SLC9A9: variants seen among roughly 807,000 people sequenced by gnomAD.
SLC9A9 encodes solute carrier family 9 member A9, also known as sodium/hydrogen exchanger 9.
In SLC9A9, 62 loss-of-function variants were observed where a neutral mutation model predicts 77.8. The ratio of observed to expected loss-of-function variants is 0.80; its 90% CI spans 0.65 to 0.98. The LOEUF (loss-of-function observed/expected upper bound fraction) is 0.98, where lower values mean the gene tolerates loss of function less well. SLC9A9 is among the 50% of genes least tolerant of loss of function. The pLI, the probability that SLC9A9 is intolerant of heterozygous loss-of-function variation, is 0.00. For missense variants in SLC9A9, 775 were observed against 774.9 expected (o/e 1.00, Z 0.00); for synonymous variants, 320 against 283.5 (o/e 1.13, Z -1.29).
At chr3:143,648,596 T>C (rs527270844) in intron 6 of SLC9A9, among the ~76,000 whole-genome samples, 2 of 152,172 alleles carry the variant, frequency 1.3e-5, no homozygotes, top group Non-Finnish European at 2.9e-5. Flanking sequence ...TGTTTTGTTG[T>C]GTTTCTATCC....
At chr3:143,625,201 A>G (rs1268105184) in intron 6 of SLC9A9, among the ~76,000 whole-genome samples, 12 of 152,256 alleles carry the variant, frequency 7.9e-5, no homozygotes, top group African/African-American at 2.9e-4. Flanking sequence ...AAGGCAATTT[A>G]TAAATTCAAT....
intron 4 of SLC9A9, among the ~76,000 whole-genome samples, chr3:143,735,803 A>C (rs1404229206): frequency 6.6e-6 from 1 of 152,244 alleles, no homozygotes; most frequent in African/African-American, 2.4e-5. Context: ...CTTTAGAGTA[A>C]TAGAGACATG....
At chr3:143,835,916 C>T (rs1447529505) in intron 1 of SLC9A9, among the ~76,000 whole-genome samples, 1 of 152,220 alleles carries the variant, frequency 6.6e-6, no homozygotes, top group Admixed American at 6.5e-5. Context: ...GATCTGTCCC[C>T]TGGCCAGTTG....
At chr3:143,793,981 A>C (rs1432633407) in intron 4 of SLC9A9, among the ~76,000 whole-genome samples, 1 of 152,178 alleles carries the variant, frequency 6.6e-6, no homozygotes. Context: ...AGGTGCTAAA[A>C]TCTTTAATTT....
intron 14 of SLC9A9, among the ~76,000 whole-genome samples, chr3:143,339,904 G>A (rs1470748152): frequency 6.6e-6 from 1 of 152,152 alleles, no homozygotes; most frequent in African/African-American, 2.4e-5. Flanking sequence ...CCGAATGATG[G>A]GGTGTGCTAT....
At chr3:143,799,887 C>A (rs1244849329) in intron 2 of SLC9A9, among the ~76,000 whole-genome samples, 1 of 152,212 alleles carries the variant, frequency 6.6e-6, no homozygotes, top group Non-Finnish European at 1.5e-5. Flanking sequence ...TCCACATTAT[C>A]TTCTTTTCAA....
At chr3:143,447,501 T>C (rs921887129) in intron 12 of SLC9A9, among the ~76,000 whole-genome samples, 1 of 152,200 alleles carries the variant, frequency 6.6e-6, no homozygotes. Flanking sequence ...GCAAGTTGTT[T>C]TTTGCAAATG....
chr3:143,544,065 G>T (rs1352024933), intron 9 of SLC9A9, among the ~76,000 whole-genome samples: 1 of 151,844 alleles, frequency 6.6e-6, no homozygotes, highest in Non-Finnish European at 1.5e-5. Flanking sequence ...GAGCCATTCT[G>T]ACTGGTGTAA....
intron 14 of SLC9A9, among the ~76,000 whole-genome samples, chr3:143,318,461 G>T (rs972725557): frequency 2.6e-5 from 4 of 152,164 alleles, no homozygotes; most frequent in African/African-American, 9.7e-5. Context: ...AAACAGAGGA[G>T]AAAAGTGATT....
At chr3:143,726,610 T>C (rs1215105787) in intron 4 of SLC9A9, among the ~76,000 whole-genome samples, 1 of 152,200 alleles carries the variant, frequency 6.6e-6, no homozygotes, top group African/African-American at 2.4e-5. Flanking sequence ...GATAAGCTAC[T>C]TGTCCATGAA....
chr3:143,414,605 C>T (rs978779105), intron 12 of SLC9A9, among the ~76,000 whole-genome samples: 3 of 152,162 alleles, frequency 2.0e-5, no homozygotes, highest in Admixed American at 2.0e-4. Context: ...TTCTGGGACA[C>T]CACAGACATT....
chr3:143,671,223 G>A (rs563905144), intron 5 of SLC9A9, among the ~76,000 whole-genome samples: 1 of 152,252 alleles, frequency 6.6e-6, no homozygotes, highest in South Asian at 2.1e-4. Context: ...CTGCCAATCC[G>A]TGGCTTTGGG....
intron 8 of SLC9A9, among the ~76,000 whole-genome samples, chr3:143,570,972 C>T (rs1367198620): frequency 2.6e-5 from 4 of 152,102 alleles, no homozygotes; most frequent in Admixed American, 2.6e-4. Context: ...TATTTAAAAA[C>T]AGATGTGCTT....
chr3:143,801,241 C>T (rs1386832608), intron 2 of SLC9A9, among the ~76,000 whole-genome samples: 1 of 152,148 alleles, frequency 6.6e-6, no homozygotes, highest in Non-Finnish European at 1.5e-5. Flanking sequence ...AGTACCGGGA[C>T]CGCGCCCTGT....
chr3:143,383,052 GCA>G, intron 12 of SLC9A9, among the ~76,000 whole-genome samples: 1 of 152,320 alleles, frequency 6.6e-6, no homozygotes, highest in African/African-American at 2.4e-5. Context: ...CATAAGCAAT[GCA>G]CAGTGTACTT....
intron 9 of SLC9A9, among the ~76,000 whole-genome samples, chr3:143,513,764 C>T (rs1339614592): frequency 6.6e-6 from 1 of 152,212 alleles, no homozygotes; most frequent in Non-Finnish European, 1.5e-5. Context: ...ACAACATTCA[C>T]CTCTTTGCAC....
intron 12 of SLC9A9, among the ~76,000 whole-genome samples, chr3:143,436,521 A>G (rs1261256521): frequency 6.6e-6 from 1 of 152,182 alleles, no homozygotes. Context: ...AGTCCCTTCC[A>G]ATTTGGTCAG....
At position 143,746,656 on chromosome 3, in the gene SLC9A9, T is replaced by G. The variant is rs976190511; in HGVS notation, c.533+48345A>C. On this transcript the variant is annotated intron_variant, in intron 4 of 15. Transcript: ENST00000316549. ...AAGCCTGTCATCAGGCCCTGCCAATTTGAATACATTTACCTTTTTTTTTAA... is the reference window on the plus strand; with the variant it reads ...AAGCCTGTCATCAGGCCCTGCCAATGTGAATACATTTACCTTTTTTTTTAA... 5.3e-5 allele frequency among the ~76,000 whole-genome samples: 8 copies of G among 152,324 alleles called. No homozygotes were observed. In the South Asian group the frequency reaches 1.7e-3, roughly 32 times the overall value.
intron 13 of SLC9A9, among the ~76,000 whole-genome samples, chr3:143,368,520 T>G (rs1008659720): frequency 2.8e-4 from 42 of 152,164 alleles, no homozygotes; most frequent in African/African-American, 9.2e-4. Flanking sequence ...GGGGATTCAG[T>G]GGATTAAGTG....
Sources: gnomAD v4.1 joint callset for allele counts (sites outside exome capture counted in the v4.1 genomes callset) on GRCh38, gnomAD v4.1.1 for gene constraint, MANE v1.5 for transcripts, NCBI Gene and HGNC (gene_info 2026-07-23, HGNC 2026-07-21) for gene names.